FNDC3B: variants seen among roughly 807,000 people sequenced by gnomAD.
The protein encoded by FNDC3B is fibronectin type III domain containing 3B, also known as fibronectin type III domain-containing protein 3B.
Under a neutral mutation model 151.5 loss-of-function variants are expected in FNDC3B, and 12 were observed. The ratio of observed to expected loss-of-function variants is 0.08; its 90% CI spans 0.05 to 0.13. The LOEUF (loss-of-function observed/expected upper bound fraction) is 0.13, where lower values mean the gene tolerates loss of function less well. FNDC3B is among the 10% of genes least tolerant of loss of function. The pLI is 1.00. For synonymous variants in FNDC3B, 528 were observed against 549.0 expected, an observed-to-expected ratio of 0.96 and a Z score of 0.54; for missense variants, 1,214 against 1,505.3, an observed-to-expected ratio of 0.81 and a Z score of 3.20.
chr3:172,146,876 A>G (rs1163437870), intron 3 of FNDC3B, among the ~76,000 whole-genome samples: 3 of 152,250 alleles, frequency 2.0e-5, no homozygotes, highest in Admixed American at 6.5e-5. Flanking sequence ...GGCAGAGTAC[A>G]GATTTACTTT....
intron 6 of FNDC3B, among the ~76,000 whole-genome samples, chr3:172,257,828 C>T (rs1576846217): frequency 6.6e-6 from 1 of 152,130 alleles, no homozygotes. Context: ...GTAGGTGGGG[C>T]CCACCAATCT....
intron 1 of FNDC3B, among the ~76,000 whole-genome samples, chr3:172,049,673 A>T (rs1439264194): frequency 1.3e-5 from 2 of 152,078 alleles, no homozygotes; most frequent in Non-Finnish European, 2.9e-5. Context: ...GATTACAGGC[A>T]TGCACCACCA....
chr3:172,060,317 T>A (rs941416684), intron 1 of FNDC3B, among the ~76,000 whole-genome samples: 1 of 152,160 alleles, frequency 6.6e-6, no homozygotes, highest in African/African-American at 2.4e-5. Context: ...GTGGTAGTGG[T>A]GTGTTCCCTC....
At chr3:172,061,654 A>G (rs1037787133) in intron 1 of FNDC3B, among the ~76,000 whole-genome samples, 9 of 152,238 alleles carry the variant, frequency 5.9e-5, no homozygotes, top group Non-Finnish European at 1.2e-4. Context: ...ATATAAAGCA[A>G]GAATGACTTC....
chr3:172,297,758 G>A (rs572477240), intron 8 of FNDC3B, among the ~76,000 whole-genome samples: 59 of 130,782 alleles, frequency 4.5e-4, no homozygotes, highest in Non-Finnish European at 8.4e-4. Context: ...ACAGGCGTGA[G>A]CCACCGCGCC....
intron 6 of FNDC3B, among the ~76,000 whole-genome samples, chr3:172,277,392 C>T (rs994450945): frequency 2.0e-5 from 3 of 152,144 alleles, no homozygotes; most frequent in Admixed American, 6.5e-5. Flanking sequence ...ATAGATGGCA[C>T]GTTTGTGCTA....
intron 4 of FNDC3B, among the ~76,000 whole-genome samples, chr3:172,241,912 A>G (rs1576830913): frequency 6.6e-6 from 1 of 152,240 alleles, no homozygotes; most frequent in Non-Finnish European, 1.5e-5. Flanking sequence ...CCTTCTACCT[A>G]TCTGCCTATA....
intron 1 of FNDC3B, among the ~76,000 whole-genome samples, chr3:172,052,211 A>C (rs4894522): frequency 2.0e-5 from 3 of 150,320 alleles, no homozygotes; most frequent in Admixed American, 6.6e-5. Flanking sequence ...TCAGCCTCCC[A>C]CGTGAATGCC....
chr3:172,093,815 T>G (rs1275412155), intron 1 of FNDC3B, among the ~76,000 whole-genome samples: 1 of 152,248 alleles, frequency 6.6e-6, no homozygotes, highest in African/African-American at 2.4e-5. Flanking sequence ...CTGCTCTTTC[T>G]GTTCAAAGGG....
At chr3:172,245,370 T>A (rs1013569119) in intron 4 of FNDC3B, among the ~76,000 whole-genome samples, 1 of 152,212 alleles carries the variant, frequency 6.6e-6, no homozygotes, top group Non-Finnish European at 1.5e-5. Flanking sequence ...GAATAAAGAT[T>A]GTAAACCTCT....
chr3:172,082,337 T>C (rs1044508260), intron 1 of FNDC3B, among the ~76,000 whole-genome samples: 13 of 152,240 alleles, frequency 8.5e-5, no homozygotes, highest in African/African-American at 3.1e-4. Flanking sequence ...ATAGTATTCC[T>C]TGTTATTTGC....
intron 4 of FNDC3B, among the ~76,000 whole-genome samples, chr3:172,246,351 G>A (rs1727775392): frequency 6.6e-6 from 1 of 152,186 alleles, no homozygotes; most frequent in South Asian, 2.1e-4. Flanking sequence ...TCTCTCAGCT[G>A]TCCCAGCCCT....
intron 3 of FNDC3B, among the ~76,000 whole-genome samples, chr3:172,161,993 G>T (rs895849728): frequency 6.7e-6 from 1 of 150,342 alleles, no homozygotes; most frequent in Non-Finnish European, 1.5e-5. Flanking sequence ...TTTTTTTGGG[G>T]GGGGACAGAG....
intron 3 of FNDC3B, among the ~76,000 whole-genome samples, chr3:172,183,141 T>G (rs1724002447): frequency 6.6e-6 from 1 of 152,230 alleles, no homozygotes; most frequent in African/African-American, 2.4e-5. Flanking sequence ...GTGTTTTTTA[T>G]GAAGTGAGAC....
At chr3:172,332,763 A>C (rs1355296201) in intron 13 of FNDC3B, among the ~76,000 whole-genome samples, 1 of 152,236 alleles carries the variant, frequency 6.6e-6, no homozygotes, top group African/African-American at 2.4e-5. Context: ...GCAGTTTGAT[A>C]GTAAAGACCT....
At chr3:172,193,678 T>A (rs1017897526) in intron 3 of FNDC3B, among the ~76,000 whole-genome samples, 9 of 151,890 alleles carry the variant, frequency 5.9e-5, no homozygotes, top group African/African-American at 2.2e-4. Flanking sequence ...TTGGCCTGTT[T>A]TCTTTCCTCC....
chr3:172,236,518 C>T (rs747957913), intron 4 of FNDC3B, among the ~76,000 whole-genome samples: 12 of 152,172 alleles, frequency 7.9e-5, no homozygotes, highest in East Asian at 1.9e-4. Flanking sequence ...GTTGTCACTT[C>T]GATTCTTATA....
At chr3:172,337,442 AG>A in intron 16 of FNDC3B, 41 bp downstream of exon 16, 3 of 1,284,416 alleles carry the variant, frequency 2.3e-6, no homozygotes, top group Non-Finnish European at 3.4e-6. Flanking sequence ...TCCAATAGCA[AG>A]CTCTGTTTTC....
chr3:172,381,711 A>T (rs1735449900), intron 25 of FNDC3B, among the ~76,000 whole-genome samples: 1 of 151,612 alleles, frequency 6.6e-6, no homozygotes, highest in Non-Finnish European at 1.5e-5. Flanking sequence ...ATGAGTGAGA[A>T]CCTGCGGTGT....
Sources: gnomAD v4.1 joint callset for allele counts (sites outside exome capture counted in the v4.1 genomes callset) on GRCh38, gnomAD v4.1.1 for gene constraint, MANE v1.5 for transcripts, NCBI Gene and HGNC (gene_info 2026-07-23, HGNC 2026-07-21) for gene names.